Variants in RAC2 observed in about 807,000 individuals in gnomAD.
RAC2 encodes Rac family small GTPase 2.
Under a neutral mutation model 24.0 loss-of-function variants are expected in RAC2, and 1 was observed. The observed-to-expected ratio is 0.04, with a 90% confidence interval of 0.01 to 0.20. The LOEUF is 0.20. RAC2 is among the 10% of genes least tolerant of loss of function. The probability of loss-of-function intolerance (pLI) is 1.00; values close to 1 mark genes in which losing one functional copy is unlikely to be tolerated. For missense variants in RAC2, 130 were observed against 259.1 expected (o/e 0.50, Z 3.42); for synonymous variants, 114 against 106.8 (o/e 1.07, Z -0.41).
intron 1 of RAC2, among the ~76,000 whole-genome samples, 172 bp downstream of exon 1, chr22:37,243,942 G>A (rs1329790574): frequency 1.3e-5 from 2 of 152,110 alleles, no homozygotes; most frequent in Admixed American, 6.5e-5. Context: ...GCTCCCCTCA[G>A]CCCACCCCCG....
chr22:37,233,313 C>T (rs536321900), intron 2 of RAC2, among the ~76,000 whole-genome samples: 4 of 152,198 alleles, frequency 2.6e-5, no homozygotes, highest in East Asian at 1.9e-4. Context: ...AATGGAATCA[C>T]GCTCTGTCGC....
At chr22:37,241,106 C>T (rs765767432) in intron 2 of RAC2, 6 of 776,122 alleles carry the variant, frequency 7.7e-6, no homozygotes, top group African/African-American at 6.8e-5. Flanking sequence ...AACACGCTCC[C>T]TCCACGTCCG....
In RAC2 at chr22:37,231,354, G is replaced by A; in HGVS notation, c.325C>T (p.Pro109Ser). 6.2e-7 allele frequency: 1 copy of A among 1,614,184 alleles called. No homozygotes were observed. Among genetic ancestry groups the A allele is most frequent in the Non-Finnish European group, 8.5e-7 (1 of 1,180,042 alleles). ...PEVRHHCPST[P>S]IILVGTKLDL... ...AGCTTGGTGCCCACCAGGATGATGG[G>A]TGTGCTGGGGCAGTGGTGCCGCACT... is the stretch of plus-strand genomic sequence containing the variant. The change falls in exon 5 of 7, where the codon CCC becomes TCC. Residue 109 changes from proline (P) to serine (S), a missense_variant. This residue lies in a region of RAC2 where 119 missense variants were observed against 192.1 expected (regional missense o/e 0.62). Transcript: ENST00000249071. This position sits in a 1 kb window ranked among gnomAD's most constrained non-coding sequence, Gnocchi z 5.5.
intron 2 of RAC2, among the ~76,000 whole-genome samples, chr22:37,235,856 G>A (rs1354993430): frequency 6.6e-6 from 1 of 152,202 alleles, no homozygotes; most frequent in Non-Finnish European, 1.5e-5. Context: ...CCACGGTGAT[G>A]GGGAAAGAGC....
At chr22:37,237,544 G>A (rs919172070) in intron 2 of RAC2, among the ~76,000 whole-genome samples, 2 of 152,094 alleles carry the variant, frequency 1.3e-5, no homozygotes, top group Non-Finnish European at 2.9e-5. Context: ...GGGGCCTGGC[G>A]CACACAGCTA....
At position 37,231,854 on chromosome 22, in the gene RAC2, C is replaced by T. The variant is rs1927073304; in HGVS notation, c.288+78G>A. 1.3e-6 allele frequency: 2 copies of T among 1,490,554 alleles called. No individual in the cohort carries two copies. Among genetic ancestry groups the T allele is most frequent in the African/African-American group, 1.4e-5 (1 of 71,698 alleles). The allele number at this position is 1,490,554 out of a possible 1,614,324, so 92.3% of individuals were successfully genotyped here. ...GACCTCTGCTGCCCCAGGGACCAGC[C>T]TAGAGTCACCAGTTCCTCCCTCTGT... is the stretch of plus-strand genomic sequence containing the variant. On this transcript the variant is annotated intron_variant, in intron 4 of 6. Transcript: ENST00000249071. This position sits in a 1 kb window ranked among gnomAD's most constrained non-coding sequence, Gnocchi z 5.5.
At chr22:37,227,605 A>T (rs1425709844) in intron 5 of RAC2, among the ~76,000 whole-genome samples, 1 of 31,928 alleles carries the variant, frequency 3.1e-5, no homozygotes, top group Non-Finnish European at 5.8e-5. Context: ...CTCCCACACC[A>T]TACACCCCTC....
chr22:37,238,265 C>T (rs1927293220), intron 2 of RAC2, among the ~76,000 whole-genome samples: 2 of 152,194 alleles, frequency 1.3e-5, no homozygotes, highest in South Asian at 4.2e-4. Context: ...GAGACAGGGT[C>T]TCACTTTGTT....
At chr22:37,235,133 A>G (rs1166943453) in intron 2 of RAC2, among the ~76,000 whole-genome samples, 3 of 152,172 alleles carry the variant, frequency 2.0e-5, no homozygotes, top group South Asian at 4.1e-4. Flanking sequence ...ACGCTACTCA[A>G]TGTTAGGCTG....
rs201500108 is a variant in RAC2, at chr22:37,232,010, G to A, written c.226-16C>T. ...GGAAGACGTCCTGGGGACAGAGCAA[G>A]CGAGGTTGCTAGTGAGGAGGGCCCA... On this transcript the variant is annotated splice_polypyrimidine_tract_variant and intron_variant, in intron 3 of 6. Transcript: ENST00000249071. 120 of 1,520,680 alleles carry A rather than the reference G, an allele frequency of 7.9e-5. No individual in the cohort carries two copies. In the African/African-American group the frequency reaches 1.6e-3, roughly 21 times the overall value. 94.2% of individuals were successfully genotyped at this position (1,520,680 alleles called of 1,614,324 possible).
intron 2 of RAC2, among the ~76,000 whole-genome samples, chr22:37,234,308 C>CT (rs1373694178): frequency 6.6e-6 from 1 of 152,220 alleles, no homozygotes. Context: ...CCAGTTCTTG[C>CT]TACACACATC....
chr22:37,241,545 T>TCTCCCCTC (rs1489677429), intron 2 of RAC2, 42 bp downstream of exon 2: 4 of 1,577,026 alleles, frequency 2.5e-6, no homozygotes, highest in Non-Finnish European at 3.5e-6. Flanking sequence ...GGTGACGGTC[T>TCTCCCCTC]CTCCCCTCCT....
At chr22:37,241,361 C>T (rs1276110871) in intron 2 of RAC2, among the ~76,000 whole-genome samples, 1 of 152,220 alleles carries the variant, frequency 6.6e-6, no homozygotes, top group Non-Finnish European at 1.5e-5. Flanking sequence ...GGCCACCCCT[C>T]CTCCCTTCTA....
rs1927052142 is a variant in RAC2 at position 37,231,270 on chromosome 22, T to C, written c.409A>G (p.Ile137Val). The C allele has an allele frequency of 6.2e-7, 1 of 1,613,846 alleles. No individual in the cohort carries two copies. The highest frequency in any genetic ancestry group is 1.3e-5 in the African/African-American group (1 of 74,998). The change falls in exon 5 of 7, where the codon ATC (isoleucine) becomes GTC (valine). Residue 137 changes from isoleucine to valine, a missense_variant. By Grantham distance (29) the Ile-to-Val change is conservative. This residue lies in a region of RAC2 where 119 missense variants were observed against 192.1 expected (regional missense o/e 0.62). Coordinates refer to ENST00000249071, the MANE Select transcript of RAC2 (RefSeq NM_002872.5). The surrounding 1 kb of genome is among the most constrained non-coding windows in gnomAD (Gnocchi z 5.5). ...EKLKEKKLAP[I>V]TYPQGLALAK... ...AGTGCCAGGCCCTGCGGGTAGGTGA[T>C]GGGAGCCAGCTTCTTCTCCTTCAGT...
At chr22:37,233,932 A>G (rs1927149498) in intron 2 of RAC2, among the ~76,000 whole-genome samples, 1 of 152,120 alleles carries the variant, frequency 6.6e-6, no homozygotes, top group African/African-American at 2.4e-5. Flanking sequence ...CCCACCCCAG[A>G]GTGTGCGTGA....
Position 37,240,112 on chromosome 22 carries a change from G to A in RAC2, c.107+1475C>T, listed in dbSNP as rs148306225. On this transcript the variant is annotated intron_variant, in intron 2 of 6. Transcript: ENST00000249071. ...CTAAGGCAGCTGAGCAGAGTGTCCCGGGGAGAGACAGCAGCAGAGAGAGCC... is the reference window on the plus strand; with the variant it reads ...CTAAGGCAGCTGAGCAGAGTGTCCCAGGGAGAGACAGCAGCAGAGAGAGCC... Among the ~76,000 whole-genome samples the A allele has an allele frequency of 6.1e-3, 923 of 152,266 alleles. 6 individuals are homozygous for A. The highest frequency in any genetic ancestry group is 0.02 in the African/African-American group (851 of 41,546).
intron 2 of RAC2, among the ~76,000 whole-genome samples, chr22:37,233,345 C>A (rs1455101498): frequency 1.3e-5 from 2 of 152,114 alleles, no homozygotes; most frequent in South Asian, 2.1e-4. Context: ...TGCAGTGGCA[C>A]CATCTCGGCC....
chr22:37,237,138 G>A (rs1283791741), intron 2 of RAC2, among the ~76,000 whole-genome samples: 21 of 150,796 alleles, frequency 1.4e-4, no homozygotes, highest in African/African-American at 4.4e-4. Flanking sequence ...GCAGTGAGCC[G>A]AGATCGCACC....
intron 1 of RAC2, among the ~76,000 whole-genome samples, chr22:37,243,284 G>A (rs1192758584): frequency 2.6e-5 from 4 of 152,204 alleles, no homozygotes; most frequent in Non-Finnish European, 5.9e-5. Context: ...ACAGGCATGA[G>A]CCACTGCACC....
Sources: gnomAD v4.1 joint callset for allele counts (sites outside exome capture counted in the v4.1 genomes callset) on GRCh38, gnomAD v4.1.1 for gene constraint, gnomAD v4.1.1 regional missense constraint, Gnocchi (gnomAD v3.1) non-coding constraint, MANE v1.5 for transcripts, NCBI Gene and HGNC (gene_info 2026-07-23, HGNC 2026-07-21) for gene names.